Variants in SMC1B observed in about 807,000 individuals in gnomAD.
SMC1B encodes the protein structural maintenance of chromosomes protein 1B.
In SMC1B, 60 loss-of-function variants were observed where a neutral mutation model predicts 157.9. The observed-to-expected ratio is 0.38, with a 90% confidence interval of 0.31 to 0.47. The LOEUF is 0.47. Ranked by LOEUF, SMC1B falls within the 20% of genes least tolerant of loss-of-function variation. SMC1B has a pLI of 0.99. For synonymous variants in SMC1B, 445 were observed against 483.0 expected (o/e 0.92, Z 1.03); for missense variants, 1,165 against 1,426.2 (o/e 0.82, Z 2.95).
At chr22:45,348,701 T>C (rs1452404771) in intron 23 of SMC1B, among the ~76,000 whole-genome samples, 1 of 147,700 alleles carries the variant, frequency 6.8e-6, no homozygotes, top group Non-Finnish European at 1.5e-5. Flanking sequence ...ATATTTAGCT[T>C]AGATTTCAAA....
Position 45,384,762 on chromosome 22 carries a change from T to C in SMC1B, c.1912-1149A>G, listed in dbSNP as rs2086973798. On this transcript the variant is annotated intron_variant, in intron 11 of 24. Coordinates refer to ENST00000357450, the MANE Select transcript of SMC1B (RefSeq NM_148674.5). Reference sequence around the variant, plus strand: ...AGAAAAAATTTCCCATGGTTTCTCTTAGAAATTTTATGGTTTTACTTTTTA... The same window carrying C: ...AGAAAAAATTTCCCATGGTTTCTCTCAGAAATTTTATGGTTTTACTTTTTA... Among the ~76,000 whole-genome samples, 9 of 152,130 alleles carry C rather than the reference T, an allele frequency of 5.9e-5. No individual in the cohort carries two copies. In the South Asian group the frequency reaches 1.7e-3, roughly 28 times the overall value.
Position 45,362,945 on chromosome 22 carries a change from C to T in SMC1B, c.2502G>A (p.Lys834=), listed in dbSNP as rs545952313. 1.2e-6 allele frequency: 2 copies of T among 1,603,656 alleles called. No individual in the cohort carries two copies. Among genetic ancestry groups the T allele is most frequent in the Admixed American group, 1.7e-5 (1 of 58,038 alleles). The change falls in exon 16 of 25, where the codon AAG becomes AAA. Residue 834 remains lysine, a synonymous_variant. Coordinates refer to ENST00000357450, the MANE Select transcript of SMC1B (RefSeq NM_148674.5). ...SRSHLKKKLN[K]INTLKETIQK... ...GGATAGTTTCTTTTAATGTGTTGATCTTATTCAGTTTCTTCTTAAGGTGAC... is the reference window on the plus strand; with the variant it reads ...GGATAGTTTCTTTTAATGTGTTGATTTTATTCAGTTTCTTCTTAAGGTGAC...
chr22:45,402,016 T>C (rs1052970057), intron 5 of SMC1B, among the ~76,000 whole-genome samples: 6 of 152,030 alleles, frequency 3.9e-5, no homozygotes, highest in African/African-American at 1.4e-4. Flanking sequence ...CCCGAGTAGG[T>C]GGGACTACAG....
At chr22:45,395,476 G>C (rs1225759650) in intron 7 of SMC1B, among the ~76,000 whole-genome samples, 1 of 152,146 alleles carries the variant, frequency 6.6e-6, no homozygotes, top group Non-Finnish European at 1.5e-5. Flanking sequence ...GACACAATTA[G>C]AATCCTGCCT....
chr22:45,360,352 T>C (rs547092626), intron 17 of SMC1B, among the ~76,000 whole-genome samples: 6 of 152,100 alleles, frequency 3.9e-5, no homozygotes, highest in Non-Finnish European at 8.8e-5. Flanking sequence ...CCACCACTAA[T>C]GTAGTAACGC....
At chr22:45,354,384 A>ATGT (rs55914001) in intron 20 of SMC1B, among the ~76,000 whole-genome samples, 3 of 151,844 alleles carry the variant, frequency 2.0e-5, no homozygotes, top group Admixed American at 6.6e-5. Flanking sequence ...GTATGTATGT[A>ATGT]AGTATGTATG....
Position 45,406,659 on chromosome 22 carries a change from G to A in SMC1B, c.416C>T (p.Thr139Ile), listed in dbSNP as rs1391041299. The change falls in exon 4 of 25, where the codon ACT becomes ATT. Residue 139 changes from threonine to isoleucine, a missense_variant. Physicochemically the swap from Thr to Ile is moderately conservative, Grantham distance 89. Transcript: ENST00000357450. ...KAQNCLVFQG[T>I]VESISVKKPK... Reference sequence around the variant, plus strand: ...TTTCTTCACTGAAATTGACTCTACAGTTCCCTTTTAAAAACAGTAATGCAC... The same window carrying A: ...TTTCTTCACTGAAATTGACTCTACAATTCCCTTTTAAAAACAGTAATGCAC... The A allele has an allele frequency of 6.2e-7, 1 of 1,607,066 alleles. No homozygotes were observed. Among genetic ancestry groups the A allele is most frequent in the Non-Finnish European group, 8.5e-7 (1 of 1,178,206 alleles).
chr22:45,369,079 A>G (rs918942477), intron 15 of SMC1B, among the ~76,000 whole-genome samples: 81 of 152,092 alleles, frequency 5.3e-4, no homozygotes, highest in African/African-American at 1.9e-3. Flanking sequence ...ATTTACAGAC[A>G]AGCAAATTAT....
At chr22:45,379,723 C>CTTT (rs136583) in intron 12 of SMC1B, among the ~76,000 whole-genome samples, 4,486 of 91,388 alleles carry the variant, frequency 0.049, 289 homozygotes, top group African/African-American at 0.062. Flanking sequence ...TTTCTTTTTA[C>CTTT]TTTTTTTTTT....
At chr22:45,383,659 T>A (rs751840278) in intron 11 of SMC1B, 46 bp from the exon 12 acceptor site, 1 of 1,504,102 alleles carries the variant, frequency 6.6e-7, no homozygotes, top group Admixed American at 2.3e-5. Flanking sequence ...TACATAAAGA[T>A]ACAAATAAAG....
At chr22:45,413,134 CGGA>C (rs1034284239) in intron 1 of SMC1B, among the ~76,000 whole-genome samples, 3 of 151,648 alleles carry the variant, frequency 2.0e-5, no homozygotes, top group East Asian at 3.9e-4. Context: ...CTCAGGGTGT[CGGA>C]GGAGGGTCGG....
At chr22:45,347,219 T>A (rs1050098603) in intron 23 of SMC1B, among the ~76,000 whole-genome samples, 1 of 152,142 alleles carries the variant, frequency 6.6e-6, no homozygotes, top group Non-Finnish European at 1.5e-5. Flanking sequence ...CCAGCTACCA[T>A]GTCCTGTTTC....
At chr22:45,395,994 T>C (rs2087119651) in intron 7 of SMC1B, among the ~76,000 whole-genome samples, 1 of 152,210 alleles carries the variant, frequency 6.6e-6, no homozygotes, top group South Asian at 2.1e-4. Context: ...ATGAATAGGT[T>C]ATTCCAAAAA....
Position 45,406,916 on chromosome 22 carries a change from C to T in SMC1B, c.299-51G>A, listed in dbSNP as rs776867379. ...AAAAAATATATAAATACCAGATATA[C>T]CTCAAAATCCACCGAAAGTTTAATA... On this transcript the variant is annotated intron_variant, in intron 2 of 24. Transcript: ENST00000357450. 5 of 1,263,950 alleles carry T rather than the reference C, an allele frequency of 4.0e-6. No homozygotes were observed. In the South Asian group the frequency reaches 6.4e-5, roughly 16 times the overall value. The allele number at this position is 1,263,950 out of a possible 1,614,324, so 78.3% of individuals were successfully genotyped here.
chr22:45,356,771 C>T (rs1333321787), intron 19 of SMC1B, among the ~76,000 whole-genome samples: 2 of 148,974 alleles, frequency 1.3e-5, no homozygotes, highest in South Asian at 2.1e-4. Flanking sequence ...TCTCTGTCAC[C>T]CTGGCTGGAG....
chr22:45,407,465 T>C (rs1034089027), intron 2 of SMC1B, among the ~76,000 whole-genome samples: 2 of 151,478 alleles, frequency 1.3e-5, no homozygotes, highest in African/African-American at 4.9e-5. Context: ...ACTATCTTTA[T>C]CTTTTTTTTT....
intron 20 of SMC1B, among the ~76,000 whole-genome samples, chr22:45,354,583 G>A (rs1056573075): frequency 6.6e-6 from 1 of 152,080 alleles, no homozygotes; most frequent in Non-Finnish European, 1.5e-5. Flanking sequence ...TAGACATGGG[G>A]TTTTACCATG....
chr22:45,404,011 G>A (rs1414502993), intron 4 of SMC1B, among the ~76,000 whole-genome samples: 1 of 151,988 alleles, frequency 6.6e-6, no homozygotes, highest in Non-Finnish European at 1.5e-5. Flanking sequence ...GTGCAATCTC[G>A]GCTCACTGCA....
chr22:45,393,523 T>C, intron 9 of SMC1B, 111 bp downstream of exon 9: 3 of 788,612 alleles, frequency 3.8e-6, no homozygotes, highest in Non-Finnish European at 4.0e-6. Flanking sequence ...TCTGAAATAA[T>C]ATTGCTTTGT....
Sources: gnomAD v4.1 joint callset for allele counts (sites outside exome capture counted in the v4.1 genomes callset) on GRCh38, gnomAD v4.1.1 for gene constraint, MANE v1.5 for transcripts, NCBI Gene and HGNC (gene_info 2026-07-23, HGNC 2026-07-21) for gene names.